Variants in NOS1AP observed in about 807,000 individuals in gnomAD.
The protein encoded by NOS1AP is nitric oxide synthase 1 adaptor protein.
In NOS1AP, 21 loss-of-function variants were observed where a neutral mutation model predicts 56.2. The observed-to-expected ratio is 0.37, with a 90% CI of 0.26 to 0.54. The LOEUF is 0.54. NOS1AP is among the 20% of genes least tolerant of loss of function. The probability of loss-of-function intolerance (pLI) is 0.84; values close to 1 mark genes in which losing one functional copy is unlikely to be tolerated. For missense variants in NOS1AP, 522 were observed against 657.8 expected (o/e 0.79, Z 2.26); for synonymous variants, 270 against 274.6 (o/e 0.98, Z 0.17).
intron 2 of NOS1AP, among the ~76,000 whole-genome samples, chr1:162,159,565 A>G (rs964900233): frequency 2.6e-5 from 4 of 152,104 alleles, no homozygotes; most frequent in African/African-American, 9.7e-5. Context: ...TTCAGGTTCC[A>G]GTGCAAACAT....
chr1:162,109,454 C>T (rs1647632972), intron 1 of NOS1AP, among the ~76,000 whole-genome samples: 1 of 152,088 alleles, frequency 6.6e-6, no homozygotes, highest in African/African-American at 2.4e-5. Flanking sequence ...AAATAGATGA[C>T]ATTTTATTTG....
chr1:162,321,125 A>G (rs1366173154), intron 4 of NOS1AP, among the ~76,000 whole-genome samples: 10 of 152,110 alleles, frequency 6.6e-5, no homozygotes, highest in Non-Finnish European at 1.3e-4. Flanking sequence ...TAAGGAAGGG[A>G]TCCAGTTTCA....
intron 3 of NOS1AP, among the ~76,000 whole-genome samples, chr1:162,296,765 T>C (rs1422886046): frequency 6.6e-6 from 1 of 152,128 alleles, no homozygotes; most frequent in Non-Finnish European, 1.5e-5. Flanking sequence ...CTGAGAAGAG[T>C]CTTGCCCAGC....
intron 2 of NOS1AP, among the ~76,000 whole-genome samples, chr1:162,173,599 C>T (rs915664252): frequency 6.6e-5 from 10 of 152,054 alleles, no homozygotes; most frequent in African/African-American, 1.5e-4. Context: ...AGCTTCTGCA[C>T]GCAAAAGAAA....
At chr1:162,281,541 G>A (rs548290512) in intron 2 of NOS1AP, among the ~76,000 whole-genome samples, 133 of 152,298 alleles carry the variant, frequency 8.7e-4, no homozygotes, top group Admixed American at 4.1e-3. Flanking sequence ...TATGGGAAGC[G>A]GGAGTTGGCT....
chr1:162,178,663 C>T (rs1651150622), intron 2 of NOS1AP, among the ~76,000 whole-genome samples: 1 of 152,196 alleles, frequency 6.6e-6, no homozygotes, highest in South Asian at 2.1e-4. Flanking sequence ...CAGCATATAA[C>T]AGAAGGTGGC....
intron 2 of NOS1AP, among the ~76,000 whole-genome samples, chr1:162,278,042 A>G (rs7525955): frequency 0.19 from 29,606 of 152,062 alleles, 3,010 homozygotes; most frequent in East Asian, 0.3. Context: ...ATGCAAAACT[A>G]TAGTAACTTC....
intron 2 of NOS1AP, among the ~76,000 whole-genome samples, chr1:162,162,813 A>G (rs1377341907): frequency 6.6e-6 from 1 of 152,166 alleles, no homozygotes; most frequent in Admixed American, 6.6e-5. Context: ...TATAATTTGC[A>G]TACCATATAA....
At chr1:162,217,828 C>T (rs77857500) in intron 2 of NOS1AP, among the ~76,000 whole-genome samples, 2,027 of 152,258 alleles carry the variant, frequency 0.013, 26 homozygotes, top group Non-Finnish European at 0.022. Context: ...GGTTTATGAC[C>T]GAGACTGGAG....
intron 8 of NOS1AP, chr1:162,364,412 T>A (rs78778716): frequency 0.035 from 34,503 of 985,436 alleles, 690 homozygotes; most frequent in Non-Finnish European, 0.038. Flanking sequence ...GAATCACATA[T>A]GTGTGAACAC....
rs1651501986 is a variant in NOS1AP at position 162,188,135 on chromosome 1, T to G, written c.177+33659T>G. Among the ~76,000 whole-genome samples, 1 of 152,200 alleles carries G rather than the reference T, an allele frequency of 6.6e-6. No homozygotes were observed. Among genetic ancestry groups the G allele is most frequent in the Non-Finnish European group, 1.5e-5 (1 of 68,032 alleles). The stretch of plus-strand genomic sequence containing the variant: ...TGCCTAGTAGGGAAAGTGGCTGGAC[T>G]CTTGAAAACTGGGACCAATTCTCAT... On this transcript the variant is annotated intron_variant, in intron 2 of 9. Transcript: ENST00000361897. The surrounding 1 kb of genome is among the most constrained non-coding windows in gnomAD (Gnocchi z 4.0).
chr1:162,258,097 C>T (rs1341259638), intron 2 of NOS1AP, among the ~76,000 whole-genome samples: 2 of 152,146 alleles, frequency 1.3e-5, no homozygotes, highest in African/African-American at 2.4e-5. Context: ...CCTGACACTG[C>T]AGGTATCTAG....
chr1:162,285,451 C>T (rs1270528784), intron 2 of NOS1AP, among the ~76,000 whole-genome samples: 1 of 152,216 alleles, frequency 6.6e-6, no homozygotes, highest in Non-Finnish European at 1.5e-5. Context: ...GAGCAGAATG[C>T]TGCAGTCAGG....
chr1:162,283,700 G>A (rs1249449562), intron 2 of NOS1AP, among the ~76,000 whole-genome samples: 1 of 152,178 alleles, frequency 6.6e-6, no homozygotes, highest in African/African-American at 2.4e-5. Context: ...GGCTCTATTT[G>A]TGAAACCCCA....
At chr1:162,228,926 T>C (rs555419969) in intron 2 of NOS1AP, among the ~76,000 whole-genome samples, 1 of 152,340 alleles carries the variant, frequency 6.6e-6, no homozygotes, top group South Asian at 2.1e-4. Flanking sequence ...ATATTGGACA[T>C]AGACTTTTAA....
intron 2 of NOS1AP, among the ~76,000 whole-genome samples, chr1:162,276,704 C>G (rs1654744308): frequency 6.6e-6 from 1 of 152,152 alleles, no homozygotes; most frequent in South Asian, 2.1e-4. Context: ...AATATTGCCA[C>G]CTACTGACAG....
chr1:162,240,739 A>G (rs1571153649), intron 2 of NOS1AP, among the ~76,000 whole-genome samples: 1 of 152,360 alleles, frequency 6.6e-6, no homozygotes, highest in East Asian at 1.9e-4. Flanking sequence ...TCATTTCTTC[A>G]TGGTCCATTC....
At chr1:162,263,795 A>G (rs960765542) in intron 2 of NOS1AP, among the ~76,000 whole-genome samples, 2 of 152,142 alleles carry the variant, frequency 1.3e-5, no homozygotes, top group Admixed American at 1.3e-4. Context: ...CTGTGTCCCA[A>G]ATCAAACTCT....
At chr1:162,248,987 A>T (rs1438221671) in intron 2 of NOS1AP, among the ~76,000 whole-genome samples, 3 of 152,150 alleles carry the variant, frequency 2.0e-5, no homozygotes, top group Non-Finnish European at 4.4e-5. Context: ...TGGTAACAGC[A>T]TCTGAGTCAT....
Sources: allele counts gnomAD v4.1 joint callset (sites outside exome capture counted in the v4.1 genomes callset), GRCh38; gene constraint gnomAD v4.1.1; non-coding constraint Gnocchi (gnomAD v3.1); transcripts MANE v1.5; gene names NCBI Gene and HGNC (gene_info 2026-07-23, HGNC 2026-07-21).